Variants in SCHIP1 observed in about 807,000 individuals in gnomAD.
SCHIP1 encodes the protein schwannomin interacting protein 1.
A neutral mutation model predicts 29.7 loss-of-function variants in SCHIP1; 8 were observed. The observed-to-expected ratio is 0.27, with a 90% CI of 0.16 to 0.49. The LOEUF is 0.49. Ranked by LOEUF, SCHIP1 falls within the 20% of genes least tolerant of loss-of-function variation. The pLI is 0.99. For synonymous variants in SCHIP1, 76 were observed against 94.9 expected, an observed-to-expected ratio of 0.80 and a Z score of 1.16; for missense variants, 193 against 294.6, an observed-to-expected ratio of 0.66 and a Z score of 2.52.
the SCHIP1 span, among the ~76,000 whole-genome samples, chr3:159,628,231 A>T: frequency 6.6e-6 from 1 of 152,202 alleles, no homozygotes; most frequent in Non-Finnish European, 1.5e-5. Flanking sequence ...CAAGAAATGT[A>T]GGTGAACAGA....
upstream of SCHIP1, among the ~76,000 whole-genome samples, chr3:159,837,039 C>T (rs1301160056): frequency 6.6e-6 from 1 of 151,734 alleles, no homozygotes; most frequent in Non-Finnish European, 1.5e-5. Flanking sequence ...ATCTGTTCTC[C>T]CTAGAGCCAC....
the SCHIP1 span, among the ~76,000 whole-genome samples, chr3:159,828,428 TAC>T: frequency 9.2e-3 from 790 of 85,870 alleles, 59 homozygotes; most frequent in African/African-American, 0.03. Flanking sequence ...CGTATATATA[TAC>T]GTATATATAC....
At chr3:159,427,757 A>G in the SCHIP1 span, among the ~76,000 whole-genome samples, 1 of 152,196 alleles carries the variant, frequency 6.6e-6, no homozygotes, top group Non-Finnish European at 1.5e-5. Context: ...AGCCAAAAGA[A>G]CAAAGCTGGA....
chr3:159,528,678 C>G, the SCHIP1 span, among the ~76,000 whole-genome samples: 1 of 152,192 alleles, frequency 6.6e-6, no homozygotes, highest in Non-Finnish European at 1.5e-5. Context: ...CCTCAGAATG[C>G]CCCATACCCT....
At chr3:159,830,239 T>G in the SCHIP1 span, among the ~76,000 whole-genome samples, 1 of 152,224 alleles carries the variant, frequency 6.6e-6, no homozygotes, top group Non-Finnish European at 1.5e-5. Flanking sequence ...CTTTCTCTTT[T>G]TTTGTATCAC....
the SCHIP1 span, among the ~76,000 whole-genome samples, chr3:159,424,818 G>A: frequency 6.6e-6 from 1 of 152,286 alleles, no homozygotes; most frequent in Non-Finnish European, 1.5e-5. Flanking sequence ...ACAAAGGGAA[G>A]CCCATCAGAC....
the SCHIP1 span, among the ~76,000 whole-genome samples, chr3:159,659,808 C>A: frequency 3.3e-5 from 5 of 152,100 alleles, no homozygotes; most frequent in South Asian, 1.0e-3. Flanking sequence ...ATTGGCAGAA[C>A]AGAAAGTGGC....
At chr3:159,674,153 C>T in the SCHIP1 span, among the ~76,000 whole-genome samples, 4 of 152,346 alleles carry the variant, frequency 2.6e-5, no homozygotes, top group Non-Finnish European at 4.4e-5. Context: ...ATCCCACAAA[C>T]TTTCACTCTC....
the SCHIP1 span, among the ~76,000 whole-genome samples, chr3:159,733,497 G>A: frequency 1.3e-5 from 2 of 152,164 alleles, no homozygotes; most frequent in Non-Finnish European, 2.9e-5. Context: ...TAAAAAAAGA[G>A]ATGCTAAATT....
chr3:159,580,951 G>A, the SCHIP1 span, among the ~76,000 whole-genome samples: 1 of 152,118 alleles, frequency 6.6e-6, no homozygotes, highest in African/African-American at 2.4e-5. Flanking sequence ...AGGTGGCAGG[G>A]CATTCTGAAA....
chr3:159,621,206 G>T, the SCHIP1 span, among the ~76,000 whole-genome samples: 1 of 152,190 alleles, frequency 6.6e-6, no homozygotes, highest in Non-Finnish European at 1.5e-5. Flanking sequence ...AAGCTGGGAA[G>T]AATAGTAAGT....
At chr3:159,347,472 A>G in the SCHIP1 span, among the ~76,000 whole-genome samples, 1 of 152,172 alleles carries the variant, frequency 6.6e-6, no homozygotes, top group Non-Finnish European at 1.5e-5. Context: ...CTACCACACT[A>G]GTTGTAAGGA....
At chr3:159,324,017 T>G in the SCHIP1 span, among the ~76,000 whole-genome samples, 2 of 152,154 alleles carry the variant, frequency 1.3e-5, no homozygotes, top group African/African-American at 4.8e-5. Context: ...AGTGTTTACC[T>G]TCCCGGATTG....
At chr3:159,805,604 TTCTC>T in the SCHIP1 span, among the ~76,000 whole-genome samples, 2 of 152,146 alleles carry the variant, frequency 1.3e-5, no homozygotes, top group Admixed American at 1.3e-4. Context: ...CAGTGTGTCT[TTCTC>T]TCTAGACAGA....
chr3:159,750,288 TATATATATAC>T, the SCHIP1 span, among the ~76,000 whole-genome samples: 2 of 120,078 alleles, frequency 1.7e-5, no homozygotes, highest in African/African-American at 6.4e-5. Context: ...TATATATATA[TATATATATAC>T]ACACACACAC....
At chr3:159,343,471 C>T in the SCHIP1 span, among the ~76,000 whole-genome samples, 1 of 152,194 alleles carries the variant, frequency 6.6e-6, no homozygotes, top group South Asian at 2.1e-4. Context: ...TGGCTTCAGG[C>T]TTAGAACTGG....
chr3:159,598,258 C>G, the SCHIP1 span, among the ~76,000 whole-genome samples: 92 of 152,262 alleles, frequency 6.0e-4, no homozygotes, highest in African/African-American at 2.0e-3. Context: ...CCAACAGTCC[C>G]CCAAAGTCTT....
chr3:159,854,992 C>A (rs937513712), intron 1 of SCHIP1, among the ~76,000 whole-genome samples: 6 of 152,164 alleles, frequency 3.9e-5, no homozygotes. Context: ...TCAACAACAA[C>A]AAAACAGAAT....
the SCHIP1 span, chr3:159,764,454 G>A: frequency 6.3e-7 from 1 of 1,593,172 alleles, no homozygotes; most frequent in Non-Finnish European, 8.5e-7. This position sits in a 1 kb window ranked among gnomAD's most constrained non-coding sequence, Gnocchi z 6.1. Flanking sequence ...ATTACCGAGA[G>A]GATGGGATGG....
Sources: gnomAD v4.1 joint callset for allele counts (sites outside exome capture counted in the v4.1 genomes callset) on GRCh38, gnomAD v4.1.1 for gene constraint, Gnocchi (gnomAD v3.1) non-coding constraint, MANE v1.5 for transcripts, NCBI Gene and HGNC (gene_info 2026-07-23, HGNC 2026-07-21) for gene names.